The following PCDHGB5 variants were observed in gnomAD, a reference collection of about 807,000 sequenced individuals.
PCDHGB5 encodes the protein protocadherin gamma-B5.
A neutral mutation model predicts 62.9 loss-of-function variants in PCDHGB5; 48 were observed. The ratio of observed to expected loss-of-function variants is 0.76; its 90% CI spans 0.61 to 0.97. The LOEUF (loss-of-function observed/expected upper bound fraction) is 0.97. PCDHGB5 is among the 50% of genes least tolerant of loss of function. PCDHGB5 has a pLI of 0.00. For synonymous variants in PCDHGB5, 474 were observed against 511.2 expected (o/e 0.93, Z 0.98); for missense variants, 1,118 against 1,198.6 (o/e 0.93, Z 0.99).
At chr5:141,452,106 CTCT>C (rs748460925) in intron 1 of PCDHGB5, among the ~76,000 whole-genome samples, 12 of 152,096 alleles carry the variant, frequency 7.9e-5, no homozygotes, top group South Asian at 4.1e-4. Flanking sequence ...GCTTTCTTTT[CTCT>C]TCTTATTTAT....
intron 1 of PCDHGB5, among the ~76,000 whole-genome samples, chr5:141,492,221 G>C (rs62379206): frequency 0.18 from 27,189 of 152,134 alleles, 2,633 homozygotes; most frequent in Admixed American, 0.28. Context: ...GGGCTCATGC[G>C]TGTCCTCCCT....
chr5:141,419,397 T>G (rs1280096838), intron 1 of PCDHGB5: 3 of 1,613,312 alleles, frequency 1.9e-6, no homozygotes. Flanking sequence ...CAGAGCGGGG[T>G]GGTGTTCGCG....
chr5:141,492,384 C>G (rs1001189412), intron 1 of PCDHGB5, among the ~76,000 whole-genome samples: 1 of 152,230 alleles, frequency 6.6e-6, no homozygotes, highest in Non-Finnish European at 1.5e-5. Context: ...AGGCCTGTTC[C>G]GGTCCACTCG....
At position 141,491,640 on chromosome 5, in the gene PCDHGB5, T is replaced by A; in HGVS notation, c.2398-3167T>A. 6.2e-7 allele frequency: 1 copy of A among 1,613,804 alleles called. No homozygotes were observed. Among genetic ancestry groups the A allele is most frequent in the South Asian group, 1.1e-5 (1 of 91,086 alleles). On this transcript the variant is annotated intron_variant, in intron 1 of 3. Coordinates refer to ENST00000617380, the MANE Select transcript of PCDHGB5 (RefSeq NM_018925.3). This position sits in a 1 kb window ranked among gnomAD's most constrained non-coding sequence, Gnocchi z 6.9. ...CCCTCAGCGTTCAGCAGCCCACAGC[T>A]CTGGCGCTGGAGCCTGACGCCATCC...
At chr5:141,472,807 G>T (rs573078292) in intron 1 of PCDHGB5, among the ~76,000 whole-genome samples, 43 of 151,782 alleles carry the variant, frequency 2.8e-4, no homozygotes, top group African/African-American at 1.0e-3. Flanking sequence ...CCAACATGGA[G>T]AAACCCCCGT....
intron 1 of PCDHGB5, chr5:141,417,227 T>G (rs2096097098): frequency 6.6e-6 from 1 of 152,172 alleles, no homozygotes; most frequent in South Asian, 2.1e-4. Flanking sequence ...ACAAAAAAAT[T>G]TGTTGCTTAT....
chr5:141,497,649 C>T (rs973501351), intron 2 of PCDHGB5, among the ~76,000 whole-genome samples: 1 of 151,784 alleles, frequency 6.6e-6, no homozygotes, highest in Non-Finnish European at 1.5e-5. Context: ...AAGCGATTCT[C>T]CTGCCTCAGC....
intron 1 of PCDHGB5, among the ~76,000 whole-genome samples, chr5:141,460,183 CCA>C (rs561755067): frequency 7.2e-5 from 11 of 151,782 alleles, no homozygotes; most frequent in Non-Finnish European, 1.0e-4. Context: ...ATATTTTATC[CCA>C]GACTATGACT....
At chr5:141,422,769 T>C (rs1274700138) in intron 1 of PCDHGB5, 1 of 1,613,852 alleles carries the variant, frequency 6.2e-7, no homozygotes, top group Admixed American at 1.7e-5. Context: ...ACACTGGTGT[T>C]CTCTATGCCC....
chr5:141,442,786 A>T (rs569050347), intron 1 of PCDHGB5, among the ~76,000 whole-genome samples: 12 of 152,308 alleles, frequency 7.9e-5, no homozygotes, highest in African/African-American at 2.6e-4. Context: ...TATATTTTAT[A>T]ATTTTACTTT....
chr5:141,421,187 A>G (rs745843422), intron 1 of PCDHGB5: 5 of 1,473,698 alleles, frequency 3.4e-6, no homozygotes, highest in Non-Finnish European at 4.5e-6. Context: ...TTCACAACCA[A>G]CCAGCTCGAG....
chr5:141,399,003 A>C lies in PCDHGB5; in HGVS notation c.876A>C (p.Ser292=). 6.2e-7 allele frequency: 1 copy of C among 1,613,966 alleles called. No individual in the cohort carries two copies. Among genetic ancestry groups the C allele is most frequent in the East Asian group, 2.2e-5 (1 of 44,890 alleles). Residue 292 remains serine (S), a synonymous_variant, in exon 1 of 4, where the codon TCA becomes TCC. Coordinates refer to ENST00000617380, the MANE Select transcript of PCDHGB5 (RefSeq NM_018925.3). The stretch of plus-strand genomic sequence containing the variant: ...CCGGGCAAATCTTTAGTCTGAATTC[A>C]AAGAGCGGAGAAATTACCACTCAAA... ...YRTGQIFSLN[S]KSGEITTQKK... is the part of the protein sequence containing the mutation.
In PCDHGB5 at chr5:141,476,928, T is replaced by C. The variant is rs1279715094; in HGVS notation, c.2398-17879T>C. 6.2e-7 allele frequency: 1 copy of C among 1,614,142 alleles called. No individual in the cohort carries two copies. The highest frequency in any genetic ancestry group is 2.2e-5 in the East Asian group (1 of 44,868). On this transcript the variant is annotated intron_variant, in intron 1 of 3. Transcript: ENST00000617380. This position sits in a 1 kb window ranked among gnomAD's most constrained non-coding sequence, Gnocchi z 7.6. ...GTGGTACAAGTCCTTGCAACGGATC[T>C]GGATGAAGGCCCCAACGGTGAAATT...
intron 1 of PCDHGB5, chr5:141,414,991 G>T (rs1162432290): frequency 1.9e-6 from 3 of 1,613,766 alleles, no homozygotes; most frequent in Non-Finnish European, 1.7e-6. Flanking sequence ...CGGCCAGAAC[G>T]CCTGGCTGTC....
rs62621781 is a variant in PCDHGB5 at position 141,399,796 on chromosome 5, C to T, written c.1669C>T (p.Arg557Trp). The change falls in exon 1 of 4, where the codon CGG becomes TGG. Residue 557 changes from arginine to tryptophan, a missense_variant. Transcript: ENST00000617380. ...GGGCGACCGAAACGACAACGCACCG[C>T]GGGTGCTGTACCCCGCGCTGGGTCC... ...LVGDRNDNAP[R>W]VLYPALGPDG... is the part of the protein sequence containing the mutation. 21,149 of 1,613,212 alleles carry T rather than the reference C, an allele frequency of 0.013. 194 individuals carry two copies. Among genetic ancestry groups the T allele is most frequent in the Non-Finnish European group, 0.015 (18,000 of 1,179,754 alleles).
chr5:141,428,223 A>C (rs539110667), intron 1 of PCDHGB5: 30 of 1,169,680 alleles, frequency 2.6e-5, no homozygotes, highest in Admixed American at 2.5e-4. Flanking sequence ...TAGTCTTCGC[A>C]GACAGCCTGC....
At chr5:141,478,165 C>T (rs780594020) in intron 1 of PCDHGB5, 18 of 1,613,920 alleles carry the variant, frequency 1.1e-5, no homozygotes, top group Non-Finnish European at 1.5e-5. Context: ...GCTCTGCCCC[C>T]CGGGAGCAGA....
chr5:141,493,052 T>G lies in PCDHGB5; in HGVS notation c.2398-1755T>G, dbSNP rs1362566525. 6.6e-6 allele frequency among the ~76,000 whole-genome samples: 1 copy of G among 152,104 alleles called. No individual in the cohort carries two copies. The highest frequency in any genetic ancestry group is 2.4e-5 in the African/African-American group (1 of 41,416). Reference sequence around the variant, plus strand: ...CTTATGTGTGAGGAAACTACAATAGTAAAAAACACAAGTTTCTCCAACTCC... The same window carrying G: ...CTTATGTGTGAGGAAACTACAATAGGAAAAAACACAAGTTTCTCCAACTCC... On this transcript the variant is annotated intron_variant, in intron 1 of 3. Coordinates refer to ENST00000617380, the MANE Select transcript of PCDHGB5 (RefSeq NM_018925.3). This position sits in a 1 kb window ranked among gnomAD's most constrained non-coding sequence, Gnocchi z 4.3.
In PCDHGB5 at chr5:141,399,280, G is replaced by T. The variant is rs750453381; in HGVS notation, c.1153G>T (p.Glu385Ter). ...NGEVNCQLQG[E>*]VPFKIISSSK... ...GGAGGTTAATTGTCAATTACAAGGCGAAGTCCCTTTTAAGATTATCTCTTC... is the reference window on the plus strand; with the variant it reads ...GGAGGTTAATTGTCAATTACAAGGCTAAGTCCCTTTTAAGATTATCTCTTC... Residue 385 changes from glutamate (E) to a stop codon, truncating the protein, a stop_gained, in exon 1 of 4, where the codon GAA becomes TAA. Transcript: ENST00000617380. LOFTEE classifies it high-confidence loss of function. 6.2e-7 allele frequency: 1 copy of T among 1,613,836 alleles called. No individual in the cohort carries two copies. Among genetic ancestry groups the T allele is most frequent in the Non-Finnish European group, 8.5e-7 (1 of 1,179,814 alleles).
Sources: gnomAD v4.1 joint callset for allele counts (sites outside exome capture counted in the v4.1 genomes callset) on GRCh38, gnomAD v4.1.1 for gene constraint, Gnocchi (gnomAD v3.1) non-coding constraint, MANE v1.5 for transcripts, NCBI Gene and HGNC (gene_info 2026-07-23, HGNC 2026-07-21) for gene names.